Variants in NSUN4 observed in about 807,000 individuals in gnomAD.
NSUN4 encodes 5-cytosine rRNA methyltransferase NSUN4.
NSUN4 carries 31 observed loss-of-function variants against 43.8 expected under a neutral mutation model. That is an observed-to-expected ratio of 0.71 (90% confidence interval 0.53 to 0.96). NSUN4 has a LOEUF of 0.96. NSUN4 is among the 40% of genes least tolerant of loss of function. NSUN4 has a pLI of 0.00. For missense variants in NSUN4, 439 were observed against 475.6 expected (o/e 0.92, Z 0.72); for synonymous variants, 167 against 184.1 (o/e 0.91, Z 0.75).
intron 1 of NSUN4, chr1:46,343,684 G>A (rs764469774): frequency 4.7e-5 from 19 of 400,184 alleles, no homozygotes; most frequent in Non-Finnish European, 7.1e-5. Flanking sequence ...GGCCGGAGCA[G>A]TAATCCTCAA....
chr1:46,348,216 T>C (rs68112720), intron 3 of NSUN4, among the ~76,000 whole-genome samples: 34,108 of 152,088 alleles, frequency 0.22, 4,297 homozygotes, highest in Non-Finnish European at 0.29. Context: ...ATCCACTGGC[T>C]GATATCCTGC....
chr1:46,344,726 T>TTC, intron 1 of NSUN4, 75 bp from the exon 2 acceptor site: 1 of 1,330,834 alleles, frequency 7.5e-7, no homozygotes, highest in Non-Finnish European at 1.1e-6. Flanking sequence ...GCCCCTAGGC[T>TTC]CTGAGGTGGG....
chr1:46,341,248 T>G, intron 1 of NSUN4: 1 of 996,666 alleles, frequency 1.0e-6, no homozygotes, highest in Non-Finnish European at 1.2e-6. Context: ...CCCTTTTACT[T>G]CCCTCCCTCC....
chr1:46,343,006 G>A, intron 1 of NSUN4: 1 of 399,602 alleles, frequency 2.5e-6, no homozygotes, highest in Non-Finnish European at 4.4e-6. Flanking sequence ...GCTCTCAAAA[G>A]TGTTATCCCC....
intron 3 of NSUN4, among the ~76,000 whole-genome samples, chr1:46,350,453 A>C (rs1018998235): frequency 1.3e-5 from 2 of 152,220 alleles, no homozygotes; most frequent in Non-Finnish European, 2.9e-5. Flanking sequence ...GGACACTTGC[A>C]TCTCGCATTC....
At position 46,344,923 on chromosome 1, in the gene NSUN4, G is replaced by T; in HGVS notation, c.216G>T (p.Lys72Asn). ...GTGTCAGTCTCCTCTCAGAGCAGAA[G>T]TATGGTGCACTGGTCAATAACTTTG... Reference protein sequence around the residue: ...SIRVSLLSEQKYGALVNNFAA... With the variant: ...SIRVSLLSEQNYGALVNNFAA... Residue 72 changes from lysine to asparagine, a missense_variant, in exon 2 of 6, where the codon AAG becomes AAT. Coordinates refer to ENST00000474844, the MANE Select transcript of NSUN4 (RefSeq NM_199044.4). The T allele has an allele frequency of 6.2e-7, 1 of 1,614,226 alleles. No individual in the cohort carries two copies. Among genetic ancestry groups the T allele is most frequent in the Non-Finnish European group, 8.5e-7 (1 of 1,180,012 alleles).
chr1:46,361,879 G>T lies in NSUN4; in HGVS notation c.*33G>T. On this transcript the variant is annotated 3_prime_UTR_variant, in exon 6 of 6. Coordinates refer to ENST00000474844, the MANE Select transcript of NSUN4 (RefSeq NM_199044.4). The stretch of plus-strand genomic sequence containing the variant: ...CAATCCCTGAAGCAAGAATACAAAG[G>T]GTATACTCTGTTGGATGCACCAGAA... The T allele has an allele frequency of 6.3e-7, 1 of 1,583,956 alleles. No individual in the cohort carries two copies. The highest frequency in any genetic ancestry group is 2.3e-5 in the East Asian group (1 of 44,236).
At chr1:46,343,153 GC>G in intron 1 of NSUN4, 1 of 305,400 alleles carries the variant, frequency 3.3e-6, no homozygotes, top group East Asian at 4.0e-5. Context: ...CCCCATCCCT[GC>G]CCACTGTCTG....
At chr1:46,370,880 T>A in the NSUN4 span, 1 of 152,530 alleles carries the variant, frequency 6.6e-6, no homozygotes, top group Non-Finnish European at 1.5e-5. Context: ...AAGTTCATGG[T>A]GGACATTGTT....
At chr1:46,348,278 C>T (rs540373699) in intron 3 of NSUN4, among the ~76,000 whole-genome samples, 2 of 152,334 alleles carry the variant, frequency 1.3e-5, no homozygotes, top group African/African-American at 4.8e-5. Flanking sequence ...GTGCCACCTC[C>T]TGGACGTCTG....
rs1569775402 is a variant in NSUN4, at chr1:46,362,971, A to AT, written c.*1129dup. 1 of 149,682 alleles carries AT rather than the reference A, an allele frequency of 6.7e-6. No individual in the cohort carries two copies. Among genetic ancestry groups the AT allele is most frequent in the East Asian group, 1.9e-4 (1 of 5,178 alleles). 9.3% of individuals were successfully genotyped at this position (149,682 alleles called of 1,614,324 possible). ...AAATTGCTCAGGGTCACTTGCAGATATTTTATTTTTAAACTTTTTTTTTTT... is the reference window on the plus strand; with the variant it reads ...AAATTGCTCAGGGTCACTTGCAGATATTTTTATTTTTAAACTTTTTTTTTTT... On this transcript the variant is annotated 3_prime_UTR_variant, in exon 6 of 6. Coordinates refer to ENST00000474844, the MANE Select transcript of NSUN4 (RefSeq NM_199044.4).
chr1:46,371,135 AT>A, the NSUN4 span, among the ~76,000 whole-genome samples: 38,129 of 131,028 alleles, frequency 0.29, 5,251 homozygotes, highest in East Asian at 0.47. Context: ...TGCCACCTTG[AT>A]TTTTTTTTTT....
chr1:46,355,830 C>T (rs112980938), intron 4 of NSUN4, among the ~76,000 whole-genome samples: 34,065 of 151,878 alleles, frequency 0.22, 4,284 homozygotes, highest in Non-Finnish European at 0.29. Flanking sequence ...GCCTGGCCAA[C>T]GTGGTGAAAC....
intron 3 of NSUN4, among the ~76,000 whole-genome samples, chr1:46,351,951 A>C (rs1486531467): frequency 6.6e-6 from 1 of 151,006 alleles, no homozygotes; most frequent in African/African-American, 2.4e-5. Flanking sequence ...GGTGTGAGCC[A>C]CCGTGCCTGG....
chr1:46,349,431 C>T (rs1344041778), intron 3 of NSUN4, among the ~76,000 whole-genome samples: 6 of 152,356 alleles, frequency 3.9e-5, no homozygotes, highest in Admixed American at 6.5e-5. Context: ...TGAGCCACCG[C>T]GCCTGGCGCC....
chr1:46,373,381 G>T, the NSUN4 span, among the ~76,000 whole-genome samples: 2 of 152,166 alleles, frequency 1.3e-5, no homozygotes, highest in Non-Finnish European at 2.9e-5. Context: ...GTCTTAGTCT[G>T]TTTTCTGTTG....
the NSUN4 span, among the ~76,000 whole-genome samples, chr1:46,376,711 CATGTGT>C: frequency 6.1e-5 from 6 of 97,974 alleles, no homozygotes; most frequent in Non-Finnish European, 1.4e-4. Context: ...CTTTAGAGAG[CATGTGT>C]GTGTGTGTGT....
At position 46,362,593 on chromosome 1, in the gene NSUN4, T is replaced by A. The variant is rs1181297951; in HGVS notation, c.*747T>A. 2 of 152,240 alleles carry A rather than the reference T, an allele frequency of 1.3e-5. No homozygotes were observed. Among genetic ancestry groups the A allele is most frequent in the Non-Finnish European group, 2.9e-5 (2 of 68,054 alleles). The allele number at this position is 152,240 out of a possible 1,614,324, so 9.4% of individuals were successfully genotyped here. A position where few individuals can be genotyped will look rare whatever the true frequency, so the allele number is the denominator to read the frequency against. On this transcript the variant is annotated 3_prime_UTR_variant, in exon 6 of 6. Coordinates refer to ENST00000474844, the MANE Select transcript of NSUN4 (RefSeq NM_199044.4). Reference sequence around the variant, plus strand: ...AGCAGGTATTCCCAGACCTCGTGTATGACAGGTAGCTAGGGAGCTCTTGGA... The same window carrying A: ...AGCAGGTATTCCCAGACCTCGTGTAAGACAGGTAGCTAGGGAGCTCTTGGA...
At chr1:46,360,889 C>T (rs1569771168) in intron 5 of NSUN4, 61 bp downstream of exon 5, 4 of 1,585,360 alleles carry the variant, frequency 2.5e-6, no homozygotes, top group African/African-American at 2.7e-5. Flanking sequence ...GACTGGGGGA[C>T]TGGAAGCTCT....
Sources: gnomAD v4.1 joint callset for allele counts (sites outside exome capture counted in the v4.1 genomes callset) on GRCh38, gnomAD v4.1.1 for gene constraint, MANE v1.5 for transcripts, NCBI Gene and HGNC (gene_info 2026-07-23, HGNC 2026-07-21) for gene names.